Variants in MTUS1 observed in about 807,000 individuals in gnomAD.
The protein encoded by MTUS1 is microtubule associated scaffold protein 1, also known as microtubule-associated tumor suppressor 1.
MTUS1 carries 109 observed loss-of-function variants against 120.8 expected under a neutral mutation model. That is an observed-to-expected ratio of 0.90 (90% CI 0.77 to 1.06). The LOEUF is 1.06. Ranked by LOEUF, MTUS1 falls within the 50% of genes least tolerant of loss-of-function variation. The probability of loss-of-function intolerance (pLI) is 0.00; values close to 1 mark genes in which losing one functional copy is unlikely to be tolerated. For synonymous variants in MTUS1, 737 were observed against 550.5 expected, an observed-to-expected ratio of 1.34 and a Z score of -4.74; for missense variants, 2,210 against 1,486.3, an observed-to-expected ratio of 1.49 and a Z score of -8.01.
chr8:17,693,602 T>C (rs146232558), intron 6 of MTUS1, among the ~76,000 whole-genome samples: 212 of 152,344 alleles, frequency 1.4e-3, no homozygotes, highest in African/African-American at 4.8e-3. Context: ...GGTTTTTACA[T>C]GCTGTTTTCT....
chr8:17,708,589 G>C (rs1037924210), intron 6 of MTUS1, among the ~76,000 whole-genome samples: 1 of 152,186 alleles, frequency 6.6e-6, no homozygotes, highest in African/African-American at 2.4e-5. Flanking sequence ...CCAGTTTTCT[G>C]ATAATGGTTA....
intron 1 of MTUS1, among the ~76,000 whole-genome samples, chr8:17,756,224 T>A (rs926041877): frequency 6.6e-6 from 1 of 152,188 alleles, no homozygotes; most frequent in Non-Finnish European, 1.5e-5. Context: ...TTATAACTGA[T>A]ATGCCTCTCC....
chr8:17,707,633 T>C (rs1442663856), intron 6 of MTUS1, among the ~76,000 whole-genome samples: 1 of 152,170 alleles, frequency 6.6e-6, no homozygotes, highest in Non-Finnish European at 1.5e-5. Context: ...ATTACAGAGA[T>C]TGACAAGCTG....
chr8:17,750,927 C>A (rs1376261524), intron 2 of MTUS1, among the ~76,000 whole-genome samples: 1 of 152,220 alleles, frequency 6.6e-6, no homozygotes, highest in Admixed American at 6.5e-5. Context: ...GATTCAGATA[C>A]ACCCTGACCA....
intron 1 of MTUS1, among the ~76,000 whole-genome samples, chr8:17,776,971 T>C (rs1299506209): frequency 6.6e-6 from 1 of 152,146 alleles, no homozygotes; most frequent in Admixed American, 6.5e-5. Flanking sequence ...ATATCTTACT[T>C]AAAATGGAAA....
At chr8:17,662,726 A>G (rs6586618) in intron 8 of MTUS1, among the ~76,000 whole-genome samples, 92,144 of 151,732 alleles carry the variant, frequency 0.61, 29,302 homozygotes, top group Middle Eastern at 0.81. Context: ...CCAACAGACC[A>G]CCATCTGTAG....
chr8:17,718,712 G>C (rs990944540), intron 4 of MTUS1, among the ~76,000 whole-genome samples: 5 of 151,862 alleles, frequency 3.3e-5, no homozygotes, highest in African/African-American at 1.2e-4. Flanking sequence ...GGTCCCAACT[G>C]TCTCAATTAT....
chr8:17,670,042 C>T (rs1160624030), intron 8 of MTUS1, among the ~76,000 whole-genome samples: 1 of 152,132 alleles, frequency 6.6e-6, no homozygotes, highest in Non-Finnish European at 1.5e-5. Flanking sequence ...GGGATGGATC[C>T]AAGTGGCATT....
At chr8:17,700,305 C>G (rs1818789596) in intron 6 of MTUS1, among the ~76,000 whole-genome samples, 2 of 151,824 alleles carry the variant, frequency 1.3e-5, no homozygotes, top group Middle Eastern at 3.4e-3. Context: ...CCCGTCTCTA[C>G]TAAAAACACA....
intron 4 of MTUS1, among the ~76,000 whole-genome samples, chr8:17,718,222 C>A (rs991797194): frequency 6.6e-6 from 1 of 152,212 alleles, no homozygotes; most frequent in Non-Finnish European, 1.5e-5. Flanking sequence ...CTGTTCCTAA[C>A]ATGGCAACTG....
Position 17,754,198 on chromosome 8 carries a change from G to T in MTUS1, c.1610C>A (p.Thr537Asn). The T allele has an allele frequency of 6.2e-7, 1 of 1,613,986 alleles. No individual in the cohort carries two copies. Among genetic ancestry groups the T allele is most frequent in the Non-Finnish European group, 8.5e-7 (1 of 1,180,032 alleles). The change falls in exon 2 of 15, where the codon ACC (threonine) becomes AAC (asparagine). Residue 537 changes from threonine to asparagine, a missense_variant. By Grantham distance (65) the Thr-to-Asn change is moderately conservative (BLOSUM62 0). Coordinates refer to ENST00000693296, the MANE Select transcript of MTUS1 (RefSeq NM_001363059.2). Reference protein sequence around the residue: ...LSKVTPRPQQTSASSPSSVNS... With the variant: ...LSKVTPRPQQNSASSPSSVNS... ...CACTGATGAGGGTGATGAGGCACTGGTCTGCTGAGGTCTGGGCGTGACCTT... is the reference window on the plus strand; with the variant it reads ...CACTGATGAGGGTGATGAGGCACTGTTCTGCTGAGGTCTGGGCGTGACCTT...
intron 3 of MTUS1, among the ~76,000 whole-genome samples, chr8:17,740,934 C>T (rs974570515): frequency 2.0e-5 from 3 of 152,148 alleles, no homozygotes; most frequent in Non-Finnish European, 4.4e-5. Context: ...GGTGCTATCT[C>T]GGCTCACTGC....
chr8:17,757,593 C>T (rs1333733839), intron 1 of MTUS1, among the ~76,000 whole-genome samples: 1 of 152,200 alleles, frequency 6.6e-6, no homozygotes, highest in Non-Finnish European at 1.5e-5. Context: ...GTGATGCAAT[C>T]TCGGCTCACT....
chr8:17,674,839 C>G (rs1585591651), intron 8 of MTUS1: 1 of 1,093,272 alleles, frequency 9.1e-7, no homozygotes, highest in East Asian at 6.2e-5. Context: ...GAAACTTTCA[C>G]TATTCTCATA....
chr8:17,741,019 C>T (rs1428578389), intron 3 of MTUS1, among the ~76,000 whole-genome samples: 1 of 152,172 alleles, frequency 6.6e-6, no homozygotes, highest in Non-Finnish European at 1.5e-5. Flanking sequence ...TCACCTGCCA[C>T]CACCCTTGGC....
At chr8:17,676,126 A>G in intron 7 of MTUS1, 1 of 628,594 alleles carries the variant, frequency 1.6e-6, no homozygotes, top group Non-Finnish European at 2.9e-6. Flanking sequence ...CTCCCACCAC[A>G]TCCTGATCAC....
intron 1 of MTUS1, among the ~76,000 whole-genome samples, chr8:17,763,133 G>C (rs1237884957): frequency 4.6e-5 from 7 of 151,990 alleles, no homozygotes; most frequent in African/African-American, 1.7e-4. Flanking sequence ...TGGGATTACA[G>C]GTGCCCACCA....
intron 3 of MTUS1, among the ~76,000 whole-genome samples, chr8:17,730,027 G>T (rs1314559917): frequency 1.3e-5 from 2 of 150,006 alleles, no homozygotes; most frequent in African/African-American, 2.4e-5. Flanking sequence ...ATTAACAAGT[G>T]TTGGCAAGGA....
At position 17,754,002 on chromosome 8, in the gene MTUS1, T is replaced by G; in HGVS notation, c.1806A>C (p.Pro602=). The change falls in exon 2 of 15, where the codon CCA becomes CCC. Residue 602 remains proline (P), a synonymous_variant. Coordinates refer to ENST00000693296, the MANE Select transcript of MTUS1 (RefSeq NM_001363059.2). ...THSKNASHRV[P]RTTSAVKSNQ... is the part of the protein sequence containing the mutation. ...TCGATTTCACGGCAGATGTTGTTCTTGGAACCCTGTGTGAAGCATTTTTAG... is the reference window on the plus strand; with the variant it reads ...TCGATTTCACGGCAGATGTTGTTCTGGGAACCCTGTGTGAAGCATTTTTAG... The G allele has an allele frequency of 6.2e-7, 1 of 1,614,236 alleles. No homozygotes were observed. Among genetic ancestry groups the G allele is most frequent in the Non-Finnish European group, 8.5e-7 (1 of 1,180,042 alleles).
Sources: gnomAD v4.1 joint callset for allele counts (sites outside exome capture counted in the v4.1 genomes callset) on GRCh38, gnomAD v4.1.1 for gene constraint, MANE v1.5 for transcripts, NCBI Gene and HGNC (gene_info 2026-07-23, HGNC 2026-07-21) for gene names.